Variants in ZSCAN21 observed in about 807,000 individuals in gnomAD.
The protein encoded by ZSCAN21 is zinc finger and SCAN domain containing 21.
A neutral mutation model predicts 35.6 loss-of-function variants in ZSCAN21; 26 were observed. The observed-to-expected ratio is 0.73, with a 90% CI of 0.54 to 1.01. The LOEUF (loss-of-function observed/expected upper bound fraction) is 1.01, where lower values mean the gene tolerates loss of function less well. ZSCAN21 is among the 50% of genes least tolerant of loss of function. ZSCAN21 has a pLI of 0.00. For synonymous variants in ZSCAN21, 219 were observed against 219.3 expected, an observed-to-expected ratio of 1.00 and a Z score of 0.01; for missense variants, 593 against 587.1, an observed-to-expected ratio of 1.01 and a Z score of -0.10.
Position 100,057,320 on chromosome 7 carries a change from T to C in ZSCAN21, c.314T>C (p.Val105Ala), listed in dbSNP as rs775625448. The C allele has an allele frequency of 3.9e-5, 63 of 1,611,122 alleles. 2 individuals carry two copies. In the South Asian group the frequency reaches 6.8e-4, roughly 17 times the overall value. ...TILPQELQAW[V>A]QEHCPESAEE... The stretch of plus-strand genomic sequence containing the variant: ...CTGCCCCAGGAGCTCCAGGCCTGGG[T>C]GCAGGAGCATTGCCCGGAGAGCGCT... The change falls in exon 2 of 4, where the codon GTG (valine) becomes GCG (alanine). Residue 105 changes from valine (V) to alanine (A), a missense_variant. By Grantham distance (64) the Val-to-Ala change is moderately conservative (BLOSUM62 0). Transcript: ENST00000292450.
Position 100,064,095 on chromosome 7 carries a change from T to C in ZSCAN21, c.900T>C (p.Thr300=). Residue 300 remains threonine, a synonymous_variant, in exon 4 of 4, where the codon ACT becomes ACC. Transcript: ENST00000292450. ...TCACCAAACACAGGAGAACACACAC[T>C]GGGGAGAAACCTTACGTGTGCACCA... The part of the protein sequence containing the change: ...SNLTKHRRTH[T]GEKPYVCTKC... 1 of 1,614,126 alleles carries C rather than the reference T, an allele frequency of 6.2e-7. No individual in the cohort carries two copies. Among genetic ancestry groups the C allele is most frequent in the Admixed American group, 1.7e-5 (1 of 60,006 alleles).
At chr7:100,062,265 G>A (rs1169431213) in intron 3 of ZSCAN21, among the ~76,000 whole-genome samples, 2 of 148,660 alleles carry the variant, frequency 1.3e-5, no homozygotes, top group Non-Finnish European at 3.0e-5. Context: ...TTTAATCTGC[G>A]TGAGGCTCAA....
rs1792136204 is a variant in ZSCAN21 at position 100,057,821 on chromosome 7, T to TG, written c.528dup (p.Pro177AlafsTer9). On this transcript the variant is annotated frameshift_variant, in exon 3 of 4. Transcript: ENST00000292450. LOFTEE classifies it high-confidence loss of function. ...GGAGACCAGTCACAAATACGAGTCTTGGGGGCCCCTGTACATCCAAGAGTC... is the reference window on the plus strand; with the variant it reads ...GGAGACCAGTCACAAATACGAGTCTTGGGGGGCCCCTGTACATCCAAGAGTC... 6.2e-7 allele frequency: 1 copy of TG among 1,613,852 alleles called. No individual in the cohort carries two copies. The highest frequency in any genetic ancestry group is 1.1e-5 in the South Asian group (1 of 91,078).
chr7:100,056,481 T>TA (rs397758359), intron 1 of ZSCAN21, among the ~76,000 whole-genome samples: 2 of 151,944 alleles, frequency 1.3e-5, no homozygotes, highest in Non-Finnish European at 2.9e-5. Flanking sequence ...TTTTTTTTTT[T>TA]AGAGATGGAA....
chr7:100,052,628 G>C (rs377535755), intron 1 of ZSCAN21, among the ~76,000 whole-genome samples: 2 of 152,110 alleles, frequency 1.3e-5, no homozygotes, highest in East Asian at 3.9e-4. Context: ...AATGGCAAGT[G>C]GGTAGTTGGT....
At chr7:100,054,200 G>A (rs1413082588) in intron 1 of ZSCAN21, among the ~76,000 whole-genome samples, 1 of 151,800 alleles carries the variant, frequency 6.6e-6, no homozygotes. Context: ...GACTTATTTG[G>A]CCAAAGAATC....
Position 100,057,079 on chromosome 7 carries a change from A to G in ZSCAN21, c.73A>G (p.Met25Val). Reference sequence around the variant, plus strand: ...TCCACAGGAGCAGGTGGGGCCTCTGATGGTAAAAGTCGAGGAGAAAGAAGA... The same window carrying G: ...TCCACAGGAGCAGGTGGGGCCTCTGGTGGTAAAAGTCGAGGAGAAAGAAGA... ...RPPQEQVGPLMVKVEEKEEKG... is the reference protein window; with the variant it reads ...RPPQEQVGPLVVKVEEKEEKG... Residue 25 changes from methionine (M) to valine (V), a missense_variant, in exon 2 of 4, where the codon ATG (methionine) becomes GTG (valine). Coordinates refer to ENST00000292450, the MANE Select transcript of ZSCAN21 (RefSeq NM_145914.3). 2.5e-6 allele frequency: 4 copies of G among 1,613,892 alleles called. No homozygotes were observed. The East Asian group carries it at 8.9e-5, about 36-fold the overall frequency.
intron 1 of ZSCAN21, among the ~76,000 whole-genome samples, chr7:100,050,379 A>C (rs761150526): frequency 2.2e-4 from 33 of 152,306 alleles, no homozygotes; most frequent in Non-Finnish European, 3.1e-4. Context: ...AAACAGTCTT[A>C]AAGAACCATG....
At position 100,065,007 on chromosome 7, in the gene ZSCAN21, A is replaced by G. The variant is rs1792574278; in HGVS notation, c.*390A>G. 1.3e-6 allele frequency: 2 copies of G among 1,483,276 alleles called. No homozygotes were observed. The highest frequency in any genetic ancestry group is 1.4e-5 in the African/African-American group (1 of 71,044). 91.9% of individuals were successfully genotyped at this position (1,483,276 alleles called of 1,614,324 possible). A position where few individuals can be genotyped will look rare whatever the true frequency, so the allele number is the denominator to read the frequency against. On this transcript the variant is annotated 3_prime_UTR_variant, in exon 4 of 4. Coordinates refer to ENST00000292450, the MANE Select transcript of ZSCAN21 (RefSeq NM_145914.3). ...ATTGAGCCACATTGAACACAATTGA[A>G]TGAGATTCAGAATAAACTTATAACA...
At chr7:100,053,751 T>C (rs1395265273) in intron 1 of ZSCAN21, among the ~76,000 whole-genome samples, 1 of 151,842 alleles carries the variant, frequency 6.6e-6, no homozygotes, top group Non-Finnish European at 1.5e-5. Flanking sequence ...TAACTTGTAA[T>C]TTTATGGCAA....
chr7:100,053,257 C>A (rs1394223582), intron 1 of ZSCAN21, among the ~76,000 whole-genome samples: 1 of 151,990 alleles, frequency 6.6e-6, no homozygotes, highest in Non-Finnish European at 1.5e-5. Flanking sequence ...ATCATGTGAT[C>A]CAGTGGCATC....
chr7:100,064,325 G>C lies in ZSCAN21; in HGVS notation c.1130G>C (p.Arg377Pro). 14 of 1,613,742 alleles carry C rather than the reference G, an allele frequency of 8.7e-6. No homozygotes were observed. The highest frequency in any genetic ancestry group is 1.2e-5 in the Non-Finnish European group (14 of 1,179,916). The stretch of plus-strand genomic sequence containing the variant: ...TTCAGCGGGAAAGGCAGCCTCATTC[G>C]TCACTATCGGATCCACACTGGGGAG... ...KAFSGKGSLI[R>P]HYRIHTGEKP... is the part of the protein sequence containing the mutation. The change falls in exon 4 of 4, where the codon CGT (arginine) becomes CCT (proline). Residue 377 changes from arginine (R) to proline (P), a missense_variant. By Grantham distance (103) the Arg-to-Pro change is moderately radical (BLOSUM62 -2). Transcript: ENST00000292450.
At chr7:100,063,656 C>T (rs189265330) in intron 3 of ZSCAN21, 132 bp from the exon 4 acceptor site, 12 of 764,134 alleles carry the variant, frequency 1.6e-5, no homozygotes, top group East Asian at 2.6e-5. Context: ...TGTATCTATG[C>T]GCTATCATGA....
At chr7:100,053,546 A>ATACATATT (rs755978112) in intron 1 of ZSCAN21, among the ~76,000 whole-genome samples, 2 of 79,486 alleles carry the variant, frequency 2.5e-5, no homozygotes, top group Non-Finnish European at 5.1e-5. Context: ...TACATACATA[A>ATACATATT]TTTTTTTTTT....
intron 1 of ZSCAN21, among the ~76,000 whole-genome samples, chr7:100,051,911 C>T (rs1413333238): frequency 3.9e-5 from 6 of 151,946 alleles, no homozygotes; most frequent in Non-Finnish European, 5.9e-5. Context: ...AGTAATGAAG[C>T]ATTTGATTTC....
Position 100,057,309 on chromosome 7 carries a change from C to T in ZSCAN21, c.303C>T (p.Leu101=). ...EQFLTILPQE[L]QAWVQEHCPE... ...TCCTGACCATCCTGCCCCAGGAGCT[C>T]CAGGCCTGGGTGCAGGAGCATTGCC... The change falls in exon 2 of 4, where the codon CTC becomes CTT. Residue 101 remains leucine (L), a synonymous_variant. Transcript: ENST00000292450. The T allele has an allele frequency of 1.2e-6, 2 of 1,613,150 alleles. No homozygotes were observed. The highest frequency in any genetic ancestry group is 8.5e-7 in the Non-Finnish European group (1 of 1,179,636).
In ZSCAN21 at chr7:100,064,202, A is replaced by C. The variant is rs1258466089; in HGVS notation, c.1007A>C (p.Lys336Thr). 1.2e-6 allele frequency: 2 copies of C among 1,614,104 alleles called. No individual in the cohort carries two copies. The highest frequency in any genetic ancestry group is 3.3e-5 in the Admixed American group (2 of 60,008). The stretch of plus-strand genomic sequence containing the variant: ...TTGGTGGACCGGCCCTATGACTGTA[A>C]GTGTGGAAAAGCTTTTGGGCAGAGC... ...THLVDRPYDC[K>T]CGKAFGQSSD... Residue 336 changes from lysine to threonine, a missense_variant, in exon 4 of 4, where the codon AAG (lysine) becomes ACG (threonine). Physicochemically the swap from Lys to Thr is moderately conservative, Grantham distance 78. Transcript: ENST00000292450.
chr7:100,057,676 A>C, intron 2 of ZSCAN21, 22 bp from the exon 3 acceptor site: 1 of 1,591,170 alleles, frequency 6.3e-7, no homozygotes, highest in East Asian at 2.2e-5. Context: ...GCACAAACCT[A>C]GCCATTCCTG....
chr7:100,064,118 C>T lies in ZSCAN21; in HGVS notation c.923C>T (p.Thr308Ile). 2 of 1,613,710 alleles carry T rather than the reference C, an allele frequency of 1.2e-6. No homozygotes were observed. Among genetic ancestry groups the T allele is most frequent in the East Asian group, 2.2e-5 (1 of 44,870 alleles). The change falls in exon 4 of 4, where the codon ACC becomes ATC. Residue 308 changes from threonine to isoleucine, a missense_variant. Thr to Ile is a moderately conservative substitution (Grantham distance 89, BLOSUM62 -1). Transcript: ENST00000292450. ...THTGEKPYVC[T>I]KCGKAFSHSS... The stretch of plus-strand genomic sequence containing the variant: ...ACTGGGGAGAAACCTTACGTGTGCA[C>T]CAAGTGTGGGAAAGCTTTCAGCCAC...
Sources: allele counts gnomAD v4.1 joint callset (sites outside exome capture counted in the v4.1 genomes callset), GRCh38; gene constraint gnomAD v4.1.1; transcripts MANE v1.5; gene names NCBI Gene and HGNC (gene_info 2026-07-23, HGNC 2026-07-21).